Variants in EHMT1 observed in about 807,000 individuals in gnomAD.
The protein encoded by EHMT1 is euchromatic histone lysine methyltransferase 1, also known as histone-lysine N-methyltransferase EHMT1.
A neutral mutation model predicts 147.2 loss-of-function variants in EHMT1; 15 were observed. The ratio of observed to expected loss-of-function variants is 0.10; its 90% CI spans 0.07 to 0.16. EHMT1 has a LOEUF of 0.16. EHMT1 is among the 10% of genes least tolerant of loss of function. EHMT1 has a pLI of 1.00. For synonymous variants in EHMT1, 795 were observed against 709.6 expected, an observed-to-expected ratio of 1.12 and a Z score of -1.91; for missense variants, 1,587 against 1,772.4, an observed-to-expected ratio of 0.90 and a Z score of 1.88.
chr9:137,641,738 A>T (rs1844501533), intron 1 of EHMT1, among the ~76,000 whole-genome samples: 1 of 152,090 alleles, frequency 6.6e-6, no homozygotes, highest in Admixed American at 6.6e-5. Flanking sequence ...GCAGGGGCAG[A>T]GACGGGTGTT....
chr9:137,721,003 C>CTCCTCGCCGGCG (rs992725864), intron 3 of EHMT1, among the ~76,000 whole-genome samples: 1 of 151,982 alleles, frequency 6.6e-6, no homozygotes, highest in African/African-American at 2.4e-5. Flanking sequence ...CCTTTCTCCC[C>CTCCTCGCCGGCG]TCCTCGCCGG....
rs1956508292 is a variant in EHMT1 at position 137,835,108 on chromosome 9, G to A, written c.*155G>A. 1.1e-5 allele frequency: 10 copies of A among 912,190 alleles called. No homozygotes were observed. The South Asian group carries it at 1.3e-4, about 11-fold the overall frequency. The allele number at this position is 912,190 out of a possible 1,614,324, so 56.5% of individuals were successfully genotyped here. A position where few individuals can be genotyped will look rare whatever the true frequency, so the allele number is the denominator to read the frequency against. On this transcript the variant is annotated 3_prime_UTR_variant, in exon 27 of 27. Coordinates refer to ENST00000460843, the MANE Select transcript of EHMT1 (RefSeq NM_024757.5). ...TCGGAGGTGAGGCTGCAGCCCCTGC[G>A]GGCGGGTGTGGATGCCTCCCAGCCA...
At chr9:137,784,498 T>C in intron 15 of EHMT1, 1 of 960,484 alleles carries the variant, frequency 1.0e-6, no homozygotes. Flanking sequence ...TTACAGACTT[T>C]CCACTTTTTG....
chr9:137,744,305 CT>C (rs11370621), intron 6 of EHMT1, among the ~76,000 whole-genome samples: 13 of 149,096 alleles, frequency 8.7e-5, no homozygotes, highest in Middle Eastern at 3.5e-3. Flanking sequence ...AAGTAAACCT[CT>C]TTTTTTTTTC....
chr9:137,740,392 T>C (rs1190443993), intron 4 of EHMT1, among the ~76,000 whole-genome samples: 1 of 150,010 alleles, frequency 6.7e-6, no homozygotes, highest in Non-Finnish European at 1.5e-5. Context: ...CTGGCCCCGC[T>C]TCTTTGAGGC....
intron 1 of EHMT1, among the ~76,000 whole-genome samples, chr9:137,664,132 T>A (rs1939375180): frequency 6.6e-6 from 1 of 152,040 alleles, no homozygotes; most frequent in African/African-American, 2.4e-5. Flanking sequence ...CTTGGACTCC[T>A]GGGCTCAAGT....
chr9:137,745,004 G>C (rs1190669195), intron 6 of EHMT1, among the ~76,000 whole-genome samples: 1 of 152,274 alleles, frequency 6.6e-6, no homozygotes, highest in Non-Finnish European at 1.5e-5. Flanking sequence ...ACAGTGGAAA[G>C]TTAAGAATCA....
At position 137,754,262 on chromosome 9, in the gene EHMT1, G is replaced by A. The variant is rs770287097; in HGVS notation, c.1340G>A (p.Arg447Lys). 3.1e-6 allele frequency: 5 copies of A among 1,614,160 alleles called. No homozygotes were observed. The South Asian group carries it at 4.4e-5, about 14-fold the overall frequency. Residue 447 changes from arginine to lysine, a missense_variant, in exon 8 of 27, where the codon AGA (arginine) becomes AAA (lysine). Arg to Lys is a conservative substitution (Grantham distance 26, BLOSUM62 2). This residue lies in a region of EHMT1 where 810 missense variants were observed against 673.0 expected (regional missense o/e 1.20). Transcript: ENST00000460843. ...AAGCCAGCCAGGAAAAGGAGGCGGA[G>A]AAGTAGAAAGAAGCCCAGCGGTGCC... ...WIKPARKRRR[R>K]SRKKPSGALG...
Position 137,787,400 on chromosome 9 carries a change from G to A in EHMT1, c.2383-3448G>A, listed in dbSNP as rs1399908692. Among the ~76,000 whole-genome samples, 2 of 152,166 alleles carry A rather than the reference G, an allele frequency of 1.3e-5. No homozygotes were observed. Among genetic ancestry groups the A allele is most frequent in the Non-Finnish European group, 2.9e-5 (2 of 68,030 alleles). On this transcript the variant is annotated intron_variant, in intron 15 of 26. Transcript: ENST00000460843. The surrounding 1 kb of genome is among the most constrained non-coding windows in gnomAD (Gnocchi z 4.2). ...TAGTGGGCTGAGAAGAGGGGACTAG[G>A]AAGGGCTATTCCAGGCTCAGCCCTG...
At chr9:137,757,503 T>C (rs1949468441) in intron 8 of EHMT1, among the ~76,000 whole-genome samples, 1 of 152,272 alleles carries the variant, frequency 6.6e-6, no homozygotes, top group Non-Finnish European at 1.5e-5. Flanking sequence ...TTTTCTGTTT[T>C]ATTTAAAAAT....
intron 4 of EHMT1, among the ~76,000 whole-genome samples, chr9:137,734,556 G>C (rs922354524): frequency 7.2e-5 from 11 of 152,184 alleles, no homozygotes; most frequent in African/African-American, 2.7e-4. Context: ...GTAAGAAAAG[G>C]GTGGAGAGAA....
intron 19 of EHMT1, 74 bp from the exon 20 acceptor site, chr9:137,812,932 T>C (rs1241217526): frequency 1.3e-6 from 2 of 1,586,668 alleles, no homozygotes; most frequent in Non-Finnish European, 1.7e-6. Flanking sequence ...ATGACGGACA[T>C]TTTATAAATC....
intron 6 of EHMT1, among the ~76,000 whole-genome samples, chr9:137,750,758 C>T (rs1160821151): frequency 6.6e-6 from 1 of 152,134 alleles, no homozygotes; most frequent in East Asian, 1.9e-4. Flanking sequence ...GACGTGGCTG[C>T]CGGAGGGGGC....
chr9:137,790,864 A>C lies in EHMT1; in HGVS notation c.2399A>C (p.Asp800Ala). 1 of 1,614,164 alleles carries C rather than the reference A, an allele frequency of 6.2e-7. No individual in the cohort carries two copies. Among genetic ancestry groups the C allele is most frequent in the Non-Finnish European group, 8.5e-7 (1 of 1,180,028 alleles). Reference sequence around the variant, plus strand: ...TTTCACTAGGCGGGCGCTAATATTGACACCTGCTCAGAAGACCAGAGGACC... The same window carrying C: ...TTTCACTAGGCGGGCGCTAATATTGCCACCTGCTCAGAAGACCAGAGGACC... The part of the protein sequence containing the change: ...HMLVQAGANI[D>A]TCSEDQRTPL... Residue 800 changes from aspartate (D) to alanine (A), a missense_variant, in exon 16 of 27, where the codon GAC becomes GCC. Coordinates refer to ENST00000460843, the MANE Select transcript of EHMT1 (RefSeq NM_024757.5).
intron 16 of EHMT1, among the ~76,000 whole-genome samples, chr9:137,791,251 T>C (rs1952504601): frequency 6.6e-6 from 1 of 152,170 alleles, no homozygotes. Flanking sequence ...TCTCACCCTG[T>C]CTTCAGCCCA....
chr9:137,720,311 C>A (rs1564636230), intron 3 of EHMT1, among the ~76,000 whole-genome samples: 1 of 149,094 alleles, frequency 6.7e-6, no homozygotes, highest in Non-Finnish European at 1.5e-5. Context: ...TTTGTCATTT[C>A]TTTTTTTTTT....
At chr9:137,744,476 G>T (rs1948386033) in intron 6 of EHMT1, among the ~76,000 whole-genome samples, 1 of 151,892 alleles carries the variant, frequency 6.6e-6, no homozygotes, top group Non-Finnish European at 1.5e-5. Flanking sequence ...ACGCCACCAT[G>T]CCTGGCTAAT....
chr9:137,742,893 G>A (rs937255312), intron 4 of EHMT1: 2 of 238,186 alleles, frequency 8.4e-6, no homozygotes, highest in East Asian at 2.3e-4. Context: ...GACTGGCCTG[G>A]CCTGGCCCCT....
chr9:137,639,575 T>A (rs893421548), intron 1 of EHMT1, among the ~76,000 whole-genome samples: 6 of 152,242 alleles, frequency 3.9e-5, no homozygotes, highest in Non-Finnish European at 2.9e-5. Context: ...TCTTTGTCTC[T>A]ATAAATGTTT....
Sources: allele counts gnomAD v4.1 joint callset (sites outside exome capture counted in the v4.1 genomes callset), GRCh38; gene constraint gnomAD v4.1.1; regional missense constraint gnomAD v4.1.1; non-coding constraint Gnocchi (gnomAD v3.1); transcripts MANE v1.5; gene names NCBI Gene and HGNC (gene_info 2026-07-23, HGNC 2026-07-21).